Variants in IL1RAPL1 observed in about 807,000 individuals in gnomAD.
IL1RAPL1 encodes the protein interleukin 1 receptor accessory protein like 1.
Under a neutral mutation model 48.4 loss-of-function variants are expected in IL1RAPL1, and 3 were observed. The ratio of observed to expected loss-of-function variants is 0.06; its 90% confidence interval spans 0.03 to 0.16. The LOEUF is 0.16. IL1RAPL1 is among the 10% of genes least tolerant of loss of function. The pLI is 1.00. For synonymous variants in IL1RAPL1, 185 were observed against 187.7 expected (o/e 0.99, Z 0.12); for missense variants, 349 against 530.6 (o/e 0.66, Z 3.36).
intron 3 of IL1RAPL1, among the ~76,000 whole-genome samples, chrX:29,361,161 T>A (rs908346584): frequency 8.9e-6 from 1 of 111,887 alleles, no homozygotes; most frequent in South Asian, 3.7e-4. Flanking sequence ...TGGTGTTGAC[T>A]GATGCAGGGA....
At chrX:28,860,081 C>A (rs1921903462) in intron 2 of IL1RAPL1, among the ~76,000 whole-genome samples, 1 of 111,521 alleles carries the variant, frequency 9.0e-6, no homozygotes, top group Non-Finnish European at 1.9e-5. Flanking sequence ...TAAGAAATTG[C>A]TGATACTAGC....
chrX:29,374,706 A>G (rs949731796), intron 3 of IL1RAPL1, among the ~76,000 whole-genome samples: 1 of 109,197 alleles, frequency 9.2e-6, no homozygotes, highest in Non-Finnish European at 1.9e-5. Context: ...TGAGTGTTAG[A>G]TGTTCTGCAG....
chrX:28,895,180 G>T (rs1261030987), intron 2 of IL1RAPL1, among the ~76,000 whole-genome samples: 1 of 110,632 alleles, frequency 9.0e-6, no homozygotes, highest in Non-Finnish European at 1.9e-5. Context: ...CCACGGGGTG[G>T]GTAGGCAAAA....
At chrX:29,871,633 T>C (rs1034160047) in intron 6 of IL1RAPL1, among the ~76,000 whole-genome samples, 1 of 112,673 alleles carries the variant, frequency 8.9e-6, no homozygotes, top group East Asian at 2.8e-4. Flanking sequence ...CTATTTATGA[T>C]TCCTATTTAA....
At chrX:29,120,988 C>T (rs1015172711) in intron 2 of IL1RAPL1, among the ~76,000 whole-genome samples, 1 of 112,100 alleles carries the variant, frequency 8.9e-6, no homozygotes, top group Non-Finnish European at 1.9e-5. Flanking sequence ...GAAGAATAAT[C>T]ACTTTATCTT....
At chrX:28,779,492 C>T (rs1293037655) in intron 1 of IL1RAPL1, among the ~76,000 whole-genome samples, 1 of 107,277 alleles carries the variant, frequency 9.3e-6, no homozygotes, top group Non-Finnish European at 1.9e-5. Context: ...TAAGCTCTGA[C>T]TAGAATACGA....
chrX:29,202,110 T>C (rs1219827587), intron 2 of IL1RAPL1, among the ~76,000 whole-genome samples: 1 of 112,697 alleles, frequency 8.9e-6, no homozygotes, highest in African/African-American at 3.2e-5. Context: ...ATATGCAAAC[T>C]ATGCAACCGA....
chrX:29,077,751 A>G (rs1350774712), intron 2 of IL1RAPL1, among the ~76,000 whole-genome samples: 2 of 111,803 alleles, frequency 1.8e-5, no homozygotes, highest in African/African-American at 6.5e-5. Context: ...GTATTAGAAC[A>G]ATCACAAGAC....
chrX:29,647,763 G>A (rs1013126755), intron 5 of IL1RAPL1, among the ~76,000 whole-genome samples: 25 of 111,469 alleles, frequency 2.2e-4, no homozygotes, highest in African/African-American at 7.8e-4. Context: ...AAAACAGCTC[G>A]AAAACAGTGA....
chrX:29,947,771 G>A (rs747113569), intron 9 of IL1RAPL1, among the ~76,000 whole-genome samples: 2 of 98,495 alleles, frequency 2.0e-5, no homozygotes, highest in East Asian at 3.0e-4. Flanking sequence ...TTTTTTTGGT[G>A]GGGGGGTGGG....
intron 2 of IL1RAPL1, among the ~76,000 whole-genome samples, chrX:29,018,098 T>A (rs1295789765): frequency 5.4e-5 from 6 of 112,012 alleles, no homozygotes; most frequent in Non-Finnish European, 3.8e-5. Flanking sequence ...CAATTCATGA[T>A]TATCACCTTT....
chrX:29,076,774 A>G (rs866755271), intron 2 of IL1RAPL1, among the ~76,000 whole-genome samples: 1 of 60,976 alleles, frequency 1.6e-5, no homozygotes, highest in Non-Finnish European at 3.0e-5. Context: ...AGACAGATCT[A>G]TCTATCTGTC....
intron 3 of IL1RAPL1, among the ~76,000 whole-genome samples, chrX:29,333,338 T>A (rs1190431357): frequency 9.7e-6 from 1 of 102,949 alleles, no homozygotes; most frequent in Non-Finnish European, 2.0e-5. Flanking sequence ...GCTCCTCACT[T>A]CCCAGTAGGG....
At chrX:28,841,721 T>G (rs1432474767) in intron 2 of IL1RAPL1, among the ~76,000 whole-genome samples, 1 of 110,294 alleles carries the variant, frequency 9.1e-6, no homozygotes, top group Non-Finnish European at 1.9e-5. Flanking sequence ...TAAAACACAT[T>G]TTTTTTTCTA....
intron 6 of IL1RAPL1, among the ~76,000 whole-genome samples, chrX:29,833,533 A>G (rs185202367): frequency 9.0e-6 from 1 of 111,465 alleles, no homozygotes; most frequent in African/African-American, 3.3e-5. Context: ...TGCTACTCTG[A>G]GCACATTTAA....
intron 1 of IL1RAPL1, among the ~76,000 whole-genome samples, chrX:28,690,824 A>ACCATAC (rs1935169325): frequency 9.0e-6 from 1 of 110,935 alleles, no homozygotes; most frequent in South Asian, 3.8e-4. Flanking sequence ...CATAACCATA[A>ACCATAC]CCATACCAAT....
intron 2 of IL1RAPL1, among the ~76,000 whole-genome samples, chrX:29,273,934 CAA>C (rs1198851072): frequency 8.9e-6 from 1 of 111,745 alleles, no homozygotes; most frequent in African/African-American, 3.3e-5. Flanking sequence ...TATCTTAAAA[CAA>C]AACATCACAT....
chrX:28,940,831 C>T (rs1441090184), intron 2 of IL1RAPL1, among the ~76,000 whole-genome samples: 1 of 109,999 alleles, frequency 9.1e-6, no homozygotes, highest in African/African-American at 3.3e-5. Flanking sequence ...TTGGATATAT[C>T]TACATGTCAT....
chrX:28,643,189 G>T (rs770919722), intron 1 of IL1RAPL1, among the ~76,000 whole-genome samples: 1 of 111,728 alleles, frequency 9.0e-6, no homozygotes, highest in African/African-American at 3.2e-5. Context: ...GCACCCGGCA[G>T]TATGTATTAT....
Sources: allele counts gnomAD v4.1 joint callset (sites outside exome capture counted in the v4.1 genomes callset), GRCh38; gene constraint gnomAD v4.1.1; transcripts MANE v1.5; gene names NCBI Gene and HGNC (gene_info 2026-07-23, HGNC 2026-07-21).